ITPR2: variants seen among roughly 807,000 people sequenced by gnomAD.
ITPR2 encodes inositol 1,4,5-trisphosphate receptor type 2, also known as inositol 1,4,5-trisphosphate-gated calcium channel ITPR2.
A neutral mutation model predicts 317.1 loss-of-function variants in ITPR2; 207 were observed. The ratio of observed to expected loss-of-function variants is 0.65; its 90% CI spans 0.58 to 0.73. The LOEUF is 0.73. Ranked by LOEUF, ITPR2 falls within the 30% of genes least tolerant of loss-of-function variation. The pLI is 0.00. For synonymous variants in ITPR2, 1,156 were observed against 1,149.1 expected (o/e 1.01, Z -0.12); for missense variants, 2,613 against 3,284.0 (o/e 0.80, Z 4.99).
rs559221886 is a variant in ITPR2 at position 26,631,979 on chromosome 12, T to C, written c.2821A>G (p.Met941Val). ...MVLSRGSIFP[M>V]SVPDVPPSIH... ...CTGGGTGGCACATCCGGCACGCTCA[T>C]GGGGAAGATGGAGCCTCTACTGAGT... The change falls in exon 22 of 57, where the codon ATG becomes GTG. Residue 941 changes from methionine (M) to valine (V), a missense_variant. By Grantham distance (21) the Met-to-Val change is conservative (BLOSUM62 1). Transcript: ENST00000381340. 57 of 1,613,666 alleles carry C rather than the reference T, an allele frequency of 3.5e-5. 1 individual carries two copies. In the South Asian group the frequency reaches 4.1e-4, roughly 12 times the overall value.
rs149119303 is a variant in ITPR2, at chr12:26,360,005, G to T, written c.7858-19677C>A. On this transcript the variant is annotated intron_variant, in intron 55 of 56. Coordinates refer to ENST00000381340, the MANE Select transcript of ITPR2 (RefSeq NM_002223.4). ...AATTCCTCAAGTTGCCATGGCTCTC[G>T]CAATCTACTGATTGAAAATCACTGA... Among the ~76,000 whole-genome samples the T allele has an allele frequency of 1.6e-3, 251 of 152,220 alleles. 2 individuals are homozygous for T. Among genetic ancestry groups the T allele is most frequent in the African/African-American group, 5.7e-3 (235 of 41,516 alleles).
At chr12:26,644,808 T>C (rs1045194566) in intron 21 of ITPR2, among the ~76,000 whole-genome samples, 1 of 152,172 alleles carries the variant, frequency 6.6e-6, no homozygotes, top group Admixed American at 6.5e-5. Context: ...AACCATGATC[T>C]TGGACCTCCT....
At chr12:26,434,255 A>T (rs1592019998) in intron 48 of ITPR2, among the ~76,000 whole-genome samples, 1 of 152,282 alleles carries the variant, frequency 6.6e-6, no homozygotes, top group East Asian at 1.9e-4. Flanking sequence ...ATCCATAAGG[A>T]TATTCTTCCT....
intron 39 of ITPR2, among the ~76,000 whole-genome samples, chr12:26,487,500 G>A (rs1591823336): frequency 6.6e-6 from 1 of 152,150 alleles, no homozygotes; most frequent in East Asian, 1.9e-4. Flanking sequence ...TATCCTTACT[G>A]GTTATATATT....
At chr12:26,361,798 T>G (rs556285828) in intron 55 of ITPR2, among the ~76,000 whole-genome samples, 1 of 152,224 alleles carries the variant, frequency 6.6e-6, no homozygotes, top group Non-Finnish European at 1.5e-5. Context: ...ACATGCCTAA[T>G]GTATAACGTG....
At chr12:26,413,243 T>C (rs1454900190) in intron 51 of ITPR2, among the ~76,000 whole-genome samples, 1 of 152,246 alleles carries the variant, frequency 6.6e-6, no homozygotes. Context: ...GCGTTTGCAA[T>C]GGCATTTGCC....
chr12:26,494,134 A>G lies in ITPR2; in HGVS notation c.5370+19T>C, dbSNP rs1209464311. 2 of 1,582,492 alleles carry G rather than the reference A, an allele frequency of 1.3e-6. No homozygotes were observed. On this transcript the variant is annotated intron_variant, in intron 39 of 56. Transcript: ENST00000381340. ...AATACCAATAATAAATGTAATCCCCATGATTGATGAACAAGTACCTGTGTT... is the reference window on the plus strand; with the variant it reads ...AATACCAATAATAAATGTAATCCCCGTGATTGATGAACAAGTACCTGTGTT...
chr12:26,818,275 C>A (rs1053476988), intron 1 of ITPR2, among the ~76,000 whole-genome samples: 3 of 152,126 alleles, frequency 2.0e-5, no homozygotes, highest in African/African-American at 4.8e-5. Flanking sequence ...GACAACTTAC[C>A]CAAACAGTTC....
chr12:26,452,570 C>T (rs1941767442), intron 45 of ITPR2, among the ~76,000 whole-genome samples: 1 of 152,010 alleles, frequency 6.6e-6, no homozygotes, highest in East Asian at 1.9e-4. Context: ...GAGGTAGGGC[C>T]TTTGGGAAGT....
intron 2 of ITPR2, among the ~76,000 whole-genome samples, chr12:26,726,438 G>A (rs1948924998): frequency 6.6e-6 from 1 of 152,114 alleles, no homozygotes; most frequent in African/African-American, 2.4e-5. Flanking sequence ...GAGGAGAATG[G>A]AAGAACTCAA....
chr12:26,403,354 G>C (rs927411559), intron 52 of ITPR2, among the ~76,000 whole-genome samples: 1 of 152,174 alleles, frequency 6.6e-6, no homozygotes, highest in African/African-American at 2.4e-5. Flanking sequence ...TGAAATTAGG[G>C]GGAGGCACTG....
Position 26,514,188 on chromosome 12 carries a change from C to T in ITPR2, c.5074-18928G>A, listed in dbSNP as rs373768028. On this transcript the variant is annotated intron_variant, in intron 37 of 56. Coordinates refer to ENST00000381340, the MANE Select transcript of ITPR2 (RefSeq NM_002223.4). ...TTTGTTAAAAGCTTCCAACTAACTA[C>T]GATGTTTTTTTAAAAAAAGAAAGAG... 1.3e-4 allele frequency among the ~76,000 whole-genome samples: 19 copies of T among 151,658 alleles called. 1 individual carries two copies. The highest frequency in any genetic ancestry group is 4.1e-4 in the African/African-American group (17 of 41,276).
intron 54 of ITPR2, among the ~76,000 whole-genome samples, chr12:26,397,991 C>T (rs1940051194): frequency 6.8e-6 from 1 of 147,770 alleles, no homozygotes; most frequent in African/African-American, 2.5e-5. Context: ...ATGATGAGGG[C>T]AATGAGAAGG....
chr12:26,705,516 A>G (rs1483789174), intron 9 of ITPR2, among the ~76,000 whole-genome samples: 1 of 152,030 alleles, frequency 6.6e-6, no homozygotes, highest in Non-Finnish European at 1.5e-5. Flanking sequence ...TCTACTCCCT[A>G]ATGATCTTAC....
intron 37 of ITPR2, among the ~76,000 whole-genome samples, chr12:26,545,423 C>T (rs1265351626): frequency 6.6e-6 from 1 of 152,038 alleles, no homozygotes; most frequent in Non-Finnish European, 1.5e-5. Context: ...TACTACACTA[C>T]CGGCTTTAAA....
At chr12:26,351,497 G>A (rs1938483451) in intron 55 of ITPR2, among the ~76,000 whole-genome samples, 1 of 152,216 alleles carries the variant, frequency 6.6e-6, no homozygotes, top group African/African-American at 2.4e-5. Context: ...GGCATCAGAA[G>A]AGACAAATCA....
At chr12:26,384,455 A>C (rs946450073) in intron 55 of ITPR2, among the ~76,000 whole-genome samples, 4 of 152,176 alleles carry the variant, frequency 2.6e-5, no homozygotes, top group African/African-American at 9.7e-5. Context: ...CTTGGATGAA[A>C]ATGAAACGTT....
At chr12:26,421,410 T>C (rs1018778631) in intron 49 of ITPR2, 7 of 152,168 alleles carry the variant, frequency 4.6e-5, no homozygotes, top group Non-Finnish European at 1.5e-5. Context: ...ACAGGGAACT[T>C]GGTGTGCTTT....
rs2570 is a variant in ITPR2, at chr12:26,338,905, G to A, written c.*492C>T. 90,181 of 152,522 alleles carry A rather than the reference G, an allele frequency of 0.59. 26,993 individuals carry two copies. The highest frequency in any genetic ancestry group is 0.73 in the South Asian group (3,512 of 4,838). 9.4% of individuals were successfully genotyped at this position (152,522 alleles called of 1,614,324 possible). On this transcript the variant is annotated 3_prime_UTR_variant, in exon 57 of 57. Coordinates refer to ENST00000381340, the MANE Select transcript of ITPR2 (RefSeq NM_002223.4). ...GGAAGCATTATCATTTCTCTTTTCA[G>A]CTCTCACTTTTAATCTTTTCAGTTA... is the stretch of plus-strand genomic sequence containing the variant.
Sources: allele counts gnomAD v4.1 joint callset (sites outside exome capture counted in the v4.1 genomes callset), GRCh38; gene constraint gnomAD v4.1.1; transcripts MANE v1.5; gene names NCBI Gene and HGNC (gene_info 2026-07-23, HGNC 2026-07-21).